The following CDH13 variants were observed in gnomAD, a reference collection of about 807,000 sequenced individuals.
The protein encoded by CDH13 is cadherin 13.
Under a neutral mutation model 63.8 loss-of-function variants are expected in CDH13, and 24 were observed. The observed-to-expected ratio is 0.38, with a 90% CI of 0.27 to 0.53. CDH13 has a LOEUF of 0.53. CDH13 is among the 20% of genes least tolerant of loss of function. CDH13 has a pLI of 0.85. For missense variants in CDH13, 1,049 were observed against 903.1 expected, an observed-to-expected ratio of 1.16 and a Z score of -2.07; for synonymous variants, 503 against 355.3, an observed-to-expected ratio of 1.42 and a Z score of -4.67.
chr16:83,184,704 G>A (rs993597255), intron 4 of CDH13, among the ~76,000 whole-genome samples: 1 of 152,138 alleles, frequency 6.6e-6, no homozygotes, highest in Non-Finnish European at 1.5e-5. Flanking sequence ...GCAGTGAGCT[G>A]AGATCATGCC....
At chr16:82,853,110 C>T (rs528010573) in intron 1 of CDH13, among the ~76,000 whole-genome samples, 1 of 152,260 alleles carries the variant, frequency 6.6e-6, no homozygotes, top group Admixed American at 6.5e-5. Flanking sequence ...GTGGCTCTTG[C>T]ATGGAAGAGA....
At chr16:82,791,842 C>G (rs1250484996) in intron 1 of CDH13, among the ~76,000 whole-genome samples, 1 of 152,208 alleles carries the variant, frequency 6.6e-6, no homozygotes, top group East Asian at 1.9e-4. Context: ...CTATAACACT[C>G]ACTGCATGTG....
At chr16:82,698,885 A>G (rs1222679806) in intron 1 of CDH13, among the ~76,000 whole-genome samples, 1 of 151,938 alleles carries the variant, frequency 6.6e-6, no homozygotes, top group African/African-American at 2.4e-5. Context: ...GCCCTGTTCT[A>G]TATTCTTTTT....
chr16:82,785,526 A>G (rs6565064), intron 1 of CDH13, among the ~76,000 whole-genome samples: 22,599 of 152,208 alleles, frequency 0.15, 1,773 homozygotes, highest in African/African-American at 0.18. Context: ...AGAGAGGTAC[A>G]AGATAAATCA....
At chr16:82,870,519 G>T (rs60085449) in intron 2 of CDH13, among the ~76,000 whole-genome samples, 2 of 152,086 alleles carry the variant, frequency 1.3e-5, no homozygotes, top group African/African-American at 4.8e-5. Flanking sequence ...AATAAAGTGG[G>T]GTTGGTTAAT....
At chr16:82,679,262 T>A (rs1914277299) in intron 1 of CDH13, among the ~76,000 whole-genome samples, 1 of 152,188 alleles carries the variant, frequency 6.6e-6, no homozygotes, top group Non-Finnish European at 1.5e-5. Flanking sequence ...AGGTGCTGTC[T>A]GATCATATAC....
chr16:82,903,472 G>A (rs1188944277), intron 2 of CDH13, among the ~76,000 whole-genome samples: 1 of 152,160 alleles, frequency 6.6e-6, no homozygotes, highest in Admixed American at 6.5e-5. Flanking sequence ...TATCCTCATC[G>A]TTTCTTCCCA....
At chr16:82,982,252 A>AG (rs1466486257) in intron 2 of CDH13, among the ~76,000 whole-genome samples, 2 of 152,144 alleles carry the variant, frequency 1.3e-5, no homozygotes, top group Admixed American at 6.5e-5. Context: ...TTTATAAATA[A>AG]TACTTATCTT....
chr16:83,113,103 A>G (rs2035140347), intron 3 of CDH13, among the ~76,000 whole-genome samples: 1 of 152,172 alleles, frequency 6.6e-6, no homozygotes, highest in Non-Finnish European at 1.5e-5. Flanking sequence ...CTTCCATGCA[A>G]CTCCAGAAAA....
intron 7 of CDH13, among the ~76,000 whole-genome samples, chr16:83,500,977 G>T (rs886376464): frequency 6.6e-6 from 1 of 152,124 alleles, no homozygotes; most frequent in Non-Finnish European, 1.5e-5. Flanking sequence ...AAGATTGCAG[G>T]GGAAGCATTC....
At chr16:82,923,620 G>A (rs1009295033) in intron 2 of CDH13, among the ~76,000 whole-genome samples, 1 of 152,104 alleles carries the variant, frequency 6.6e-6, no homozygotes, top group Admixed American at 6.6e-5. Context: ...TTACTTTCCT[G>A]AGTCTGTTTC....
chr16:83,472,309 G>A (rs1402889768), intron 6 of CDH13, among the ~76,000 whole-genome samples: 1 of 152,218 alleles, frequency 6.6e-6, no homozygotes, highest in Non-Finnish European at 1.5e-5. Context: ...GAGGCCAGTG[G>A]GGATTTATGT....
intron 5 of CDH13, among the ~76,000 whole-genome samples, chr16:83,251,194 A>T (rs1422170997): frequency 6.6e-6 from 1 of 152,180 alleles, no homozygotes; most frequent in Non-Finnish European, 1.5e-5. Flanking sequence ...GAAAATGGGT[A>T]AAGGGTATAT....
At chr16:83,213,900 A>G (rs1455512649) in intron 4 of CDH13, among the ~76,000 whole-genome samples, 2 of 152,100 alleles carry the variant, frequency 1.3e-5, no homozygotes, top group African/African-American at 4.8e-5. Flanking sequence ...TGTAAAATGC[A>G]CCAATCAGTG....
chr16:82,909,252 ATGTGTGTG>A (rs10527714), intron 2 of CDH13, among the ~76,000 whole-genome samples: 6,250 of 146,878 alleles, frequency 0.043, 311 homozygotes, highest in African/African-American at 0.12. Flanking sequence ...CTGACTGTAT[ATGTGTGTG>A]TGTGTGTGTG....
chr16:83,297,938 C>T (rs966336248), intron 5 of CDH13, among the ~76,000 whole-genome samples: 5 of 151,294 alleles, frequency 3.3e-5, no homozygotes, highest in Admixed American at 6.6e-5. Context: ...GAACCCAGCA[C>T]GGCAGCTCAC....
chr16:83,580,454 C>CA (rs1460035004), intron 7 of CDH13, among the ~76,000 whole-genome samples: 1 of 18,372 alleles, frequency 5.4e-5, no homozygotes, highest in African/African-American at 4.9e-4. Flanking sequence ...TCATTTCTCT[C>CA]TCTCTCTCTC....
At chr16:83,331,076 G>C (rs1319659321) in intron 5 of CDH13, among the ~76,000 whole-genome samples, 4 of 152,284 alleles carry the variant, frequency 2.6e-5, no homozygotes, top group African/African-American at 9.6e-5. Flanking sequence ...TGAGGAAATT[G>C]AGATTCTGAG....
chr16:83,252,772 C>A (rs894094252), intron 5 of CDH13, among the ~76,000 whole-genome samples: 1 of 152,050 alleles, frequency 6.6e-6, no homozygotes, highest in East Asian at 1.9e-4. Context: ...GCTCAGTATC[C>A]TACCGTTCAC....
Sources: gnomAD v4.1 joint callset for allele counts (sites outside exome capture counted in the v4.1 genomes callset) on GRCh38, gnomAD v4.1.1 for gene constraint, MANE v1.5 for transcripts, NCBI Gene and HGNC (gene_info 2026-07-23, HGNC 2026-07-21) for gene names.